Variants in NR2F1-AS1 observed in about 807,000 individuals in gnomAD.
NR2F1-AS1 encodes NR2F1 antisense RNA 1.
chr5:93,493,580 A>G (rs77531666), intron 4 of NR2F1-AS1, among the ~76,000 whole-genome samples: 4,476 of 152,172 alleles, frequency 0.029, 213 homozygotes, highest in African/African-American at 0.1. Context: ...AAGACTCAAA[A>G]TTCCCAATTT....
At chr5:93,425,259 G>A (rs771813031) in intron 4 of NR2F1-AS1, among the ~76,000 whole-genome samples, 2 of 152,138 alleles carry the variant, frequency 1.3e-5, no homozygotes, top group Non-Finnish European at 2.9e-5. Flanking sequence ...GATCTCACTC[G>A]CATGTTTAGC....
intron 4 of NR2F1-AS1, chr5:93,543,852 G>T (rs1752012857): frequency 6.6e-6 from 1 of 152,136 alleles, no homozygotes. Flanking sequence ...GAGTTTAATT[G>T]TTGCTTAAAA....
intron 4 of NR2F1-AS1, chr5:93,409,461 C>T (rs1341963069): frequency 6.6e-6 from 1 of 152,226 alleles, no homozygotes; most frequent in African/African-American, 2.4e-5. Flanking sequence ...AGCAAGACTA[C>T]ACTAGGCACC....
intron 4 of NR2F1-AS1, among the ~76,000 whole-genome samples, chr5:93,506,627 C>G (rs562465034): frequency 1.3e-5 from 2 of 152,122 alleles, no homozygotes; most frequent in Non-Finnish European, 2.9e-5. Context: ...GCAAGCCCAT[C>G]ATATTTCGTG....
chr5:93,460,365 G>A (rs1331367532), intron 4 of NR2F1-AS1, among the ~76,000 whole-genome samples: 1 of 152,132 alleles, frequency 6.6e-6, no homozygotes, highest in East Asian at 1.9e-4. Context: ...CAGTCTCAGG[G>A]AGTTCTCCAC....
intron 4 of NR2F1-AS1, among the ~76,000 whole-genome samples, chr5:93,513,915 G>C (rs1751350654): frequency 6.6e-6 from 1 of 152,072 alleles, no homozygotes; most frequent in African/African-American, 2.4e-5. Context: ...CACATGGGAA[G>C]ATTCAAGCTT....
intron 4 of NR2F1-AS1, among the ~76,000 whole-genome samples, chr5:93,430,536 C>A (rs893369885): frequency 5.3e-5 from 8 of 152,012 alleles, no homozygotes; most frequent in African/African-American, 1.7e-4. Context: ...TACATATACA[C>A]CATTAAAAAT....
intron 4 of NR2F1-AS1, among the ~76,000 whole-genome samples, chr5:93,434,493 T>C (rs1242152069): frequency 6.6e-6 from 1 of 152,184 alleles, no homozygotes; most frequent in Non-Finnish European, 1.5e-5. Context: ...TATAACTTTT[T>C]TCTCTAAATT....
chr5:93,467,226 C>T (rs764581604), intron 4 of NR2F1-AS1, among the ~76,000 whole-genome samples: 1 of 152,082 alleles, frequency 6.6e-6, no homozygotes, highest in Non-Finnish European at 1.5e-5. Flanking sequence ...TTTATAAATT[C>T]AGTGTTATTC....
chr5:93,483,482 A>C (rs1033230887), intron 4 of NR2F1-AS1, among the ~76,000 whole-genome samples: 1 of 152,216 alleles, frequency 6.6e-6, no homozygotes, highest in Non-Finnish European at 1.5e-5. Context: ...TAAATTCATG[A>C]AGATAAGGAA....
intron 4 of NR2F1-AS1, among the ~76,000 whole-genome samples, chr5:93,468,672 T>G (rs1342050960): frequency 6.6e-6 from 1 of 152,260 alleles, no homozygotes; most frequent in Non-Finnish European, 1.5e-5. Flanking sequence ...TTGTCTATTT[T>G]GGCTTTTGTT....
chr5:93,508,177 A>G (rs1360133612), intron 4 of NR2F1-AS1, among the ~76,000 whole-genome samples: 1 of 152,210 alleles, frequency 6.6e-6, no homozygotes, highest in African/African-American at 2.4e-5. Context: ...AAGAAGATGA[A>G]CAAGGTGGAA....
chr5:93,456,506 G>A (rs944547087), intron 4 of NR2F1-AS1, among the ~76,000 whole-genome samples: 11 of 152,112 alleles, frequency 7.2e-5, no homozygotes, highest in Admixed American at 7.2e-4. Context: ...ACTATTTAAA[G>A]ATGTTAATTA....
rs555508966 is a variant in NR2F1-AS1 at position 93,505,708 on chromosome 5, C to T, written n.638+48053G>A. Among the ~76,000 whole-genome samples, 27 of 152,284 alleles carry T rather than the reference C, an allele frequency of 1.8e-4. No homozygotes were observed. The East Asian group carries it at 2.9e-3, about 16-fold the overall frequency. ...TGGCCCCTTTCAGCCATGACTGGAGCGGCTGGGACAAAAGGCACCAAGTTC... is the reference window on the plus strand; with the variant it reads ...TGGCCCCTTTCAGCCATGACTGGAGTGGCTGGGACAAAAGGCACCAAGTTC... On this transcript the variant is annotated intron_variant and non_coding_transcript_variant, in intron 4 of 5. Transcript: ENST00000660523.
intron 4 of NR2F1-AS1, among the ~76,000 whole-genome samples, chr5:93,487,400 C>A (rs1250823161): frequency 1.3e-5 from 2 of 152,180 alleles, no homozygotes; most frequent in African/African-American, 4.8e-5. Context: ...TCAGCAAAGT[C>A]TCAGGATACA....
chr5:93,527,516 C>A (rs1010217858), intron 4 of NR2F1-AS1, among the ~76,000 whole-genome samples: 3 of 152,010 alleles, frequency 2.0e-5, no homozygotes, highest in Non-Finnish European at 4.4e-5. Flanking sequence ...CATATGGAAC[C>A]AAAAAAGAGC....
At chr5:93,529,050 A>G (rs909763021) in intron 4 of NR2F1-AS1, among the ~76,000 whole-genome samples, 1 of 152,174 alleles carries the variant, frequency 6.6e-6, no homozygotes, top group Non-Finnish European at 1.5e-5. Flanking sequence ...GTATAGTTTT[A>G]AAAAATAGAA....
intron 1 of NR2F1-AS1, among the ~76,000 whole-genome samples, chr5:93,575,988 G>A (rs560606067): frequency 6.6e-6 from 1 of 152,146 alleles, no homozygotes; most frequent in African/African-American, 2.4e-5. Flanking sequence ...CTAGCTGTCC[G>A]CATGCATGTA....
intron 4 of NR2F1-AS1, among the ~76,000 whole-genome samples, chr5:93,484,072 C>T (rs1054111675): frequency 1.1e-4 from 16 of 152,218 alleles, no homozygotes; most frequent in African/African-American, 3.9e-4. Context: ...CAAGACAGGC[C>T]AACATTCAAA....
Sources: gnomAD v4.1 joint callset for allele counts (sites outside exome capture counted in the v4.1 genomes callset) on GRCh38, gnomAD v4.1.1 for gene constraint, MANE v1.5 for transcripts, NCBI Gene and HGNC (gene_info 2026-07-23, HGNC 2026-07-21) for gene names.